ARHGAP11B: variants seen among roughly 807,000 people sequenced by gnomAD.
ARHGAP11B encodes Rho GTPase activating protein 11B.
ARHGAP11B carries 14 observed loss-of-function variants against 27.6 expected under a neutral mutation model. That is an observed-to-expected ratio of 0.51 (90% CI 0.34 to 0.79). The LOEUF (loss-of-function observed/expected upper bound fraction) is 0.79, where lower values mean the gene tolerates loss of function less well. ARHGAP11B is among the 30% of genes least tolerant of loss of function. ARHGAP11B has a pLI of 0.02. For synonymous variants in ARHGAP11B, 82 were observed against 114.1 expected, an observed-to-expected ratio of 0.72 and a Z score of 1.80; for missense variants, 245 against 320.1, an observed-to-expected ratio of 0.77 and a Z score of 1.79.
exon 4 of ARHGAP11B, chr15:30,634,335 G>C: frequency 3.7e-6 from 6 of 1,613,476 alleles, no homozygotes; most frequent in Non-Finnish European, 4.2e-6. Context: ...AAAGAATAAA[G>C]CTATACTGTT....
chr15:30,640,572 T>C (rs1391107276), intron 7 of ARHGAP11B, among the ~76,000 whole-genome samples: 1 of 151,548 alleles, frequency 6.6e-6, no homozygotes, highest in African/African-American at 2.4e-5. Flanking sequence ...TTATCTTACA[T>C]TTAGTCAAAA....
intron 7 of ARHGAP11B, among the ~76,000 whole-genome samples, chr15:30,642,262 G>A (rs1188945968): frequency 2.0e-5 from 3 of 151,792 alleles, no homozygotes; most frequent in Non-Finnish European, 2.9e-5. Context: ...TCCTGGGTGT[G>A]ATTCAAACAT....
intron 7 of ARHGAP11B, 92 bp downstream of exon 7, chr15:30,638,902 A>T (rs2060298233): frequency 1.4e-6 from 1 of 720,706 alleles, no homozygotes; most frequent in Non-Finnish European, 2.0e-6. Context: ...TAATTGCCTA[A>T]CTTAGTAATC....
At chr15:30,647,234 G>C (rs2060355612) in intron 9 of ARHGAP11B, among the ~76,000 whole-genome samples, 1 of 151,364 alleles carries the variant, frequency 6.6e-6, no homozygotes, top group Non-Finnish European at 1.5e-5. Flanking sequence ...TTTGTTTTTT[G>C]TTTCTTTGGG....
chr15:30,645,611 G>A (rs540242443), intron 8 of ARHGAP11B, among the ~76,000 whole-genome samples: 12 of 151,910 alleles, frequency 7.9e-5, no homozygotes, highest in African/African-American at 2.2e-4. Flanking sequence ...AATTTTAGGG[G>A]GTATCACATT....
chr15:30,635,468 T>C lies in ARHGAP11B; in HGVS notation c.661-19T>C, dbSNP rs879332822. ...GAGGAAGGATAATAATTGTCTTACT[T>C]GTGAACATTTTCATTTAGGGCGTGT... On this transcript the variant is annotated intron_variant, in intron 5 of 10. Coordinates refer to ENST00000428041, the Ensembl canonical transcript of ARHGAP11B. 1 of 1,611,166 alleles carries C rather than the reference T, an allele frequency of 6.2e-7. No individual in the cohort carries two copies. The highest frequency in any genetic ancestry group is 1.7e-5 in the Admixed American group (1 of 59,334).
chr15:30,637,591 G>A (rs1186980810), intron 6 of ARHGAP11B, among the ~76,000 whole-genome samples: 1 of 151,890 alleles, frequency 6.6e-6, no homozygotes, highest in Non-Finnish European at 1.5e-5. Flanking sequence ...AAAATTAGCT[G>A]GGCGTGGTGG....
At chr15:30,644,341 T>C (rs932194788) in intron 7 of ARHGAP11B, among the ~76,000 whole-genome samples, 18 of 152,084 alleles carry the variant, frequency 1.2e-4, no homozygotes, top group African/African-American at 4.3e-4. Context: ...TAGATATTTG[T>C]TGAATGACTG....
At chr15:30,633,425 G>A (rs971880089) in intron 2 of ARHGAP11B, 65 bp from the exon 3 acceptor site, 2 of 1,424,966 alleles carry the variant, frequency 1.4e-6, no homozygotes, top group Admixed American at 3.7e-5. Flanking sequence ...GCCTGCTCAT[G>A]TATGTTAGCA....
chr15:30,645,300 T>G (rs996660149), intron 8 of ARHGAP11B, among the ~76,000 whole-genome samples: 13 of 151,904 alleles, frequency 8.6e-5, no homozygotes, highest in Admixed American at 7.9e-4. Flanking sequence ...TGTGGCTAGA[T>G]TAGAATCTAT....
intron 7 of ARHGAP11B, among the ~76,000 whole-genome samples, chr15:30,643,229 T>A (rs937984912): frequency 2.0e-5 from 3 of 151,922 alleles, no homozygotes; most frequent in African/African-American, 7.3e-5. Flanking sequence ...CTTTCATGGT[T>A]TTGTCAGAAT....
chr15:30,638,858 T>C (rs1222710982), intron 7 of ARHGAP11B, 48 bp downstream of exon 7: 3 of 1,082,358 alleles, frequency 2.8e-6, no homozygotes. Flanking sequence ...AAATTAAAAT[T>C]TGTATAGTAT....
At chr15:30,637,740 A>G (rs548760798) in intron 6 of ARHGAP11B, among the ~76,000 whole-genome samples, 5 of 151,798 alleles carry the variant, frequency 3.3e-5, no homozygotes, top group Admixed American at 6.6e-5. Context: ...TCTCAAAAAT[A>G]AAAATTAAAA....
chr15:30,645,358 A>G (rs1386710129), intron 8 of ARHGAP11B, among the ~76,000 whole-genome samples: 1 of 152,012 alleles, frequency 6.6e-6, no homozygotes, highest in Non-Finnish European at 1.5e-5. Flanking sequence ...AAACTAGCTA[A>G]GGGTTTGTAT....
intron 6 of ARHGAP11B, among the ~76,000 whole-genome samples, chr15:30,637,101 C>G (rs545761481): frequency 6.6e-6 from 1 of 151,940 alleles, no homozygotes; most frequent in East Asian, 1.9e-4. Context: ...TCAGTTATCA[C>G]CAGTCCTGTA....
chr15:30,643,141 A>G (rs1321594790), intron 7 of ARHGAP11B, among the ~76,000 whole-genome samples: 1 of 151,970 alleles, frequency 6.6e-6, no homozygotes, highest in Non-Finnish European at 1.5e-5. Flanking sequence ...TGCCTCTAAT[A>G]TTCTTTTTGT....
exon 11 of ARHGAP11B, chr15:30,649,122 C>T (rs1359713611): frequency 6.6e-6 from 1 of 152,004 alleles, no homozygotes; most frequent in Non-Finnish European, 1.5e-5. Flanking sequence ...GTTCTAGTAT[C>T]CCCTTGGATA....
At chr15:30,646,631 C>G (rs1328390970) in intron 9 of ARHGAP11B, among the ~76,000 whole-genome samples, 1 of 151,188 alleles carries the variant, frequency 6.6e-6, no homozygotes, top group Non-Finnish European at 1.5e-5. Context: ...CCACTGCACT[C>G]CAGCCTGGGC....
At chr15:30,642,135 G>A (rs945063244) in intron 7 of ARHGAP11B, among the ~76,000 whole-genome samples, 1 of 151,812 alleles carries the variant, frequency 6.6e-6, no homozygotes, top group African/African-American at 2.4e-5. Flanking sequence ...AGTTTCTAAG[G>A]TGGTTGTATT....
Sources: gnomAD v4.1 joint callset for allele counts (sites outside exome capture counted in the v4.1 genomes callset) on GRCh38, gnomAD v4.1.1 for gene constraint, MANE v1.5 for transcripts, NCBI Gene and HGNC (gene_info 2026-07-23, HGNC 2026-07-21) for gene names.